ZMAT4: variants seen among roughly 807,000 people sequenced by gnomAD.
ZMAT4 encodes zinc finger matrin-type 4, also known as zinc finger matrin-type protein 4.
Under a neutral mutation model 28.7 loss-of-function variants are expected in ZMAT4, and 17 were observed. The observed-to-expected ratio is 0.59, with a 90% CI of 0.41 to 0.89. ZMAT4 has a LOEUF of 0.89. ZMAT4 is among the 40% of genes least tolerant of loss of function. The pLI, the probability that ZMAT4 is intolerant of heterozygous loss-of-function variation, is 0.00. For synonymous variants in ZMAT4, 117 were observed against 109.2 expected, an observed-to-expected ratio of 1.07 and a Z score of -0.44; for missense variants, 240 against 283.8, an observed-to-expected ratio of 0.85 and a Z score of 1.11.
chr8:40,556,315 C>T lies in ZMAT4; in HGVS notation c.675-24077G>A, dbSNP rs1002508368. 1.1e-4 allele frequency among the ~76,000 whole-genome samples: 17 copies of T among 152,252 alleles called. 1 individual carries two copies. The highest frequency in any genetic ancestry group is 1.8e-4 in the Non-Finnish European group (12 of 68,016). ...AAAGTTCTTCTTAATAATTCATAGA[C>T]TTCTCAAATTTAACATGAATACAAT... is the stretch of plus-strand genomic sequence containing the variant. On this transcript the variant is annotated intron_variant, in intron 6 of 6. Coordinates refer to ENST00000297737, the MANE Select transcript of ZMAT4 (RefSeq NM_024645.3).
intron 4 of ZMAT4, among the ~76,000 whole-genome samples, chr8:40,680,380 G>T (rs1156452349): frequency 6.6e-6 from 1 of 152,036 alleles, no homozygotes; most frequent in Admixed American, 6.6e-5. Flanking sequence ...ATTGAAATTG[G>T]TCACCCCAGC....
At chr8:40,785,868 C>T (rs1158911262) in intron 2 of ZMAT4, among the ~76,000 whole-genome samples, 2 of 151,520 alleles carry the variant, frequency 1.3e-5, no homozygotes, top group African/African-American at 4.9e-5. Context: ...GCCTGGCCCA[C>T]TTTTTTTTTA....
intron 5 of ZMAT4, among the ~76,000 whole-genome samples, chr8:40,648,017 C>T (rs1365184412): frequency 6.6e-6 from 1 of 152,158 alleles, no homozygotes; most frequent in East Asian, 1.9e-4. Context: ...AGCAGAGTGC[C>T]TCTCCTCCGC....
At chr8:40,549,006 C>A (rs377633339) in intron 6 of ZMAT4, among the ~76,000 whole-genome samples, 1 of 152,086 alleles carries the variant, frequency 6.6e-6, no homozygotes, top group African/African-American at 2.4e-5. Context: ...TAATCCCCAG[C>A]TGAATAATAT....
chr8:40,664,603 C>T (rs2118866559), intron 5 of ZMAT4, among the ~76,000 whole-genome samples: 1 of 152,302 alleles, frequency 6.6e-6, no homozygotes, highest in African/African-American at 2.4e-5. Context: ...TTTCAGATGA[C>T]AGCAGCCCTG....
intron 3 of ZMAT4, among the ~76,000 whole-genome samples, chr8:40,750,646 CAG>C (rs1812419064): frequency 6.6e-6 from 1 of 152,096 alleles, no homozygotes; most frequent in African/African-American, 2.4e-5. Context: ...ATCCATCTAT[CAG>C]GGGAAAAATG....
chr8:40,737,954 A>C (rs1350741897), intron 3 of ZMAT4, among the ~76,000 whole-genome samples: 1 of 152,092 alleles, frequency 6.6e-6, no homozygotes, highest in Non-Finnish European at 1.5e-5. Flanking sequence ...CATTGTTCTT[A>C]TTACAGCTAA....
intron 2 of ZMAT4, among the ~76,000 whole-genome samples, chr8:40,805,046 T>C (rs1055831965): frequency 6.7e-6 from 1 of 149,986 alleles, no homozygotes; most frequent in Non-Finnish European, 1.5e-5. Context: ...CGCAACCTAC[T>C]CATCTGACAA....
chr8:40,634,423 A>G (rs1224804439), intron 5 of ZMAT4, among the ~76,000 whole-genome samples: 6 of 152,222 alleles, frequency 3.9e-5, no homozygotes, highest in Non-Finnish European at 8.8e-5. Context: ...AGAGCTAGAG[A>G]GAAATATTTT....
intron 5 of ZMAT4, among the ~76,000 whole-genome samples, chr8:40,622,569 A>G (rs1035382833): frequency 3.9e-5 from 6 of 152,224 alleles, no homozygotes; most frequent in African/African-American, 1.2e-4. Flanking sequence ...TTGCACTGCT[A>G]TCAAGGAATA....
chr8:40,742,186 T>G (rs892521506), intron 3 of ZMAT4, among the ~76,000 whole-genome samples: 8 of 151,892 alleles, frequency 5.3e-5, no homozygotes, highest in African/African-American at 1.9e-4. Flanking sequence ...AGGTAGAGGT[T>G]GCAGTGAGCC....
chr8:40,601,405 A>AAAGGAAGGAAGGAAGG (rs1165716784), intron 5 of ZMAT4, among the ~76,000 whole-genome samples: 32 of 72,282 alleles, frequency 4.4e-4, no homozygotes, highest in African/African-American at 1.9e-3. Context: ...AGGAGGAAAG[A>AAAGGAAGGAAGGAAGG]AAGGAAGGAA....
At chr8:40,769,318 A>G (rs1274263640) in intron 2 of ZMAT4, among the ~76,000 whole-genome samples, 1 of 152,186 alleles carries the variant, frequency 6.6e-6, no homozygotes, top group Admixed American at 6.5e-5. Flanking sequence ...ACAGACATGT[A>G]GATGTATGTC....
intron 1 of ZMAT4, among the ~76,000 whole-genome samples, chr8:40,879,499 T>C (rs1040787151): frequency 6.6e-6 from 1 of 151,878 alleles, no homozygotes. Flanking sequence ...CAGGGAGGAG[T>C]AAAAAACGGT....
At chr8:40,766,809 T>TGC in intron 3 of ZMAT4, among the ~76,000 whole-genome samples, 1 of 152,334 alleles carries the variant, frequency 6.6e-6, no homozygotes, top group South Asian at 2.1e-4. Flanking sequence ...GATCATGTAT[T>TGC]AATTTTTAAT....
In ZMAT4 at chr8:40,697,381, C is replaced by T. The variant is rs764047273; in HGVS notation, c.213G>A (p.Val71=). ...RSENGSDADM[V]DKNKCCTLCN... is the part of the protein sequence containing the mutation. The stretch of plus-strand genomic sequence containing the variant: ...AGAGTGTGCAGCACTTGTTCTTATC[C>T]ACCATGTCGGCATCACTTCCCTGCG... The change falls in exon 4 of 7, where the codon GTG becomes GTA. Residue 71 remains valine (V), a synonymous_variant. Transcript: ENST00000297737. 5.6e-6 allele frequency: 9 copies of T among 1,598,498 alleles called. No individual in the cohort carries two copies. The Admixed American group carries it at 6.9e-5, about 12-fold the overall frequency.
chr8:40,680,981 T>C (rs1334489499), intron 4 of ZMAT4, among the ~76,000 whole-genome samples: 1 of 152,234 alleles, frequency 6.6e-6, no homozygotes, highest in Non-Finnish European at 1.5e-5. Context: ...GCCATTCTTA[T>C]CCACAACAAT....
intron 5 of ZMAT4, among the ~76,000 whole-genome samples, chr8:40,591,331 A>C (rs1170189203): frequency 2.0e-5 from 3 of 152,182 alleles, no homozygotes; most frequent in Non-Finnish European, 4.4e-5. Context: ...TGCATGGGGC[A>C]AGGCCAAGCC....
chr8:40,556,349 T>A (rs1419452494), intron 6 of ZMAT4, among the ~76,000 whole-genome samples: 12 of 152,214 alleles, frequency 7.9e-5, no homozygotes, highest in African/African-American at 2.9e-4. Context: ...ATTCAACTCA[T>A]GATTTTTCTC....
Sources: gnomAD v4.1 joint callset for allele counts (sites outside exome capture counted in the v4.1 genomes callset) on GRCh38, gnomAD v4.1.1 for gene constraint, MANE v1.5 for transcripts, NCBI Gene and HGNC (gene_info 2026-07-23, HGNC 2026-07-21) for gene names.